GALNT11: variants seen among roughly 807,000 people sequenced by gnomAD.
GALNT11 encodes polypeptide N-acetylgalactosaminyltransferase 11, also known as UDP-GalNAc:polypeptide N-acetylgalactosaminyltransferase 11.
In GALNT11, 47 loss-of-function variants were observed where a neutral mutation model predicts 72.7. The ratio of observed to expected loss-of-function variants is 0.65; its 90% CI spans 0.51 to 0.82. The LOEUF is 0.82. Ranked by LOEUF, GALNT11 falls within the 40% of genes least tolerant of loss-of-function variation. The pLI, the probability that GALNT11 is intolerant of heterozygous loss-of-function variation, is 0.00. For synonymous variants in GALNT11, 270 were observed against 286.6 expected (o/e 0.94, Z 0.58); for missense variants, 677 against 778.4 (o/e 0.87, Z 1.55).
At chr7:152,058,287 C>G (rs1444113125) in intron 1 of GALNT11, among the ~76,000 whole-genome samples, 1 of 152,062 alleles carries the variant, frequency 6.6e-6, no homozygotes, top group African/African-American at 2.4e-5. Flanking sequence ...AACATTGATG[C>G]CTGCTGATGC....
chr7:152,109,789 T>C (rs1426511400), intron 6 of GALNT11, among the ~76,000 whole-genome samples: 1 of 152,212 alleles, frequency 6.6e-6, no homozygotes, highest in Non-Finnish European at 1.5e-5. Context: ...TTGCTTCTCT[T>C]GTGCAGGCAG....
chr7:152,107,170 A>G (rs1280310545), intron 5 of GALNT11: 4 of 152,178 alleles, frequency 2.6e-5, no homozygotes, highest in Admixed American at 1.3e-4. Context: ...TAGAAAAACA[A>G]TAATGTGACC....
intron 2 of GALNT11, among the ~76,000 whole-genome samples, chr7:152,096,250 G>A (rs1296399571): frequency 6.6e-6 from 1 of 152,152 alleles, no homozygotes; most frequent in Non-Finnish European, 1.5e-5. Context: ...AGTGGTCTTT[G>A]TTGTAAAGAG....
intron 7 of GALNT11, among the ~76,000 whole-genome samples, chr7:152,112,410 G>A (rs1049388055): frequency 2.0e-5 from 3 of 151,934 alleles, no homozygotes; most frequent in East Asian, 1.9e-4. Flanking sequence ...GCGTGGTGGC[G>A]GGTGCCTGTA....
chr7:152,036,287 G>T (rs1306694986), intron 1 of GALNT11, among the ~76,000 whole-genome samples: 1 of 152,142 alleles, frequency 6.6e-6, no homozygotes, highest in South Asian at 2.1e-4. Context: ...CTCTCTCCGT[G>T]AGTTCAATTG....
rs986125092 is a variant in GALNT11 at position 152,117,259 on chromosome 7, T to C, written c.1336T>C (p.Trp446Arg). ...RKKLGCKSFKWYLDNVYPEMQ... is the reference protein window; with the variant it reads ...RKKLGCKSFKRYLDNVYPEMQ... The stretch of plus-strand genomic sequence containing the variant: ...GAAGTTGGGCTGTAAATCATTTAAA[T>C]GGTATTTGGATAATGTATACCCAGA... Residue 446 changes from tryptophan to arginine, a missense_variant, in exon 9 of 12, where the codon TGG becomes CGG. By Grantham distance (101) the Trp-to-Arg change is moderately radical. Coordinates refer to ENST00000430044, the MANE Select transcript of GALNT11 (RefSeq NM_022087.4). The C allele has an allele frequency of 1.2e-6, 2 of 1,614,088 alleles. No homozygotes were observed. Among genetic ancestry groups the C allele is most frequent in the African/African-American group, 1.3e-5 (1 of 74,918 alleles).
At chr7:152,077,405 G>A (rs1250893244) in intron 1 of GALNT11, among the ~76,000 whole-genome samples, 1 of 152,198 alleles carries the variant, frequency 6.6e-6, no homozygotes, top group Non-Finnish European at 1.5e-5. Context: ...AGGCTGAGCA[G>A]TGTAGTTAAC....
intron 1 of GALNT11, among the ~76,000 whole-genome samples, chr7:152,042,342 G>T (rs1488736314): frequency 1.3e-5 from 2 of 152,202 alleles, no homozygotes; most frequent in Non-Finnish European, 2.9e-5. Flanking sequence ...TCTTAAGTCA[G>T]TTAACATTTT....
intron 1 of GALNT11, among the ~76,000 whole-genome samples, chr7:152,053,193 A>T (rs2083481821): frequency 6.6e-6 from 1 of 152,148 alleles, no homozygotes; most frequent in African/African-American, 2.4e-5. Context: ...TAAAGACAAT[A>T]CCCTTTTTGC....
intron 1 of GALNT11, among the ~76,000 whole-genome samples, chr7:152,066,366 C>G (rs1300718689): frequency 6.6e-6 from 1 of 152,180 alleles, no homozygotes; most frequent in Non-Finnish European, 1.5e-5. Flanking sequence ...AAAGGGAATT[C>G]CCTGACCCCT....
chr7:152,118,640 A>G (rs895012781), intron 9 of GALNT11, 38 bp from the exon 10 acceptor site: 1 of 1,584,492 alleles, frequency 6.3e-7, no homozygotes, highest in African/African-American at 1.4e-5. Context: ...CGTCTCTGGG[A>G]TTGTTTCCCA....
intron 1 of GALNT11, among the ~76,000 whole-genome samples, chr7:152,090,980 G>A (rs772838297): frequency 4.6e-5 from 7 of 152,124 alleles, no homozygotes; most frequent in Non-Finnish European, 8.8e-5. Flanking sequence ...CCTGTCATGA[G>A]ACTGAAGACA....
At chr7:152,060,936 G>A (rs543680720) in intron 1 of GALNT11, among the ~76,000 whole-genome samples, 160 of 152,252 alleles carry the variant, frequency 1.1e-3, no homozygotes, top group African/African-American at 3.2e-3. Context: ...ATAAACATAC[G>A]TGTGCATGTG....
intron 10 of GALNT11, chr7:152,119,949 TGACGCAG>T (rs1563085939): frequency 1.3e-5 from 2 of 152,240 alleles, no homozygotes; most frequent in African/African-American, 4.8e-5. Flanking sequence ...AAAATCGCGG[TGACGCAG>T]TTTCAGTGGT....
intron 3 of GALNT11, among the ~76,000 whole-genome samples, chr7:152,101,674 C>G (rs1231655877): frequency 3.3e-5 from 5 of 149,476 alleles, no homozygotes; most frequent in Non-Finnish European, 7.4e-5. Context: ...TTCTCTGTTG[C>G]CCAGGCTGGA....
chr7:152,121,009 C>T, intron 11 of GALNT11, 41 bp downstream of exon 11: 1 of 1,594,968 alleles, frequency 6.3e-7, no homozygotes, highest in South Asian at 1.1e-5. Flanking sequence ...GCGCAGAGGC[C>T]CACAAGGTTG....
intron 1 of GALNT11, among the ~76,000 whole-genome samples, chr7:152,033,920 T>C (rs535253124): frequency 6.6e-6 from 1 of 152,206 alleles, no homozygotes; most frequent in Non-Finnish European, 1.5e-5. Context: ...AAGGCCTGGG[T>C]TTGATCTAAC....
At chr7:152,070,133 A>C (rs1339601972) in intron 1 of GALNT11, among the ~76,000 whole-genome samples, 2 of 151,386 alleles carry the variant, frequency 1.3e-5, no homozygotes, top group Non-Finnish European at 2.9e-5. Context: ...AGTAGCTGGG[A>C]CTATAGGTGC....
chr7:152,121,500 T>C, intron 11 of GALNT11, 46 bp from the exon 12 acceptor site: 1 of 1,584,986 alleles, frequency 6.3e-7, no homozygotes, highest in Admixed American at 1.7e-5. Context: ...ATTTCCATGT[T>C]TTGCCAGTAA....
Sources: allele counts gnomAD v4.1 joint callset (sites outside exome capture counted in the v4.1 genomes callset), GRCh38; gene constraint gnomAD v4.1.1; transcripts MANE v1.5; gene names NCBI Gene and HGNC (gene_info 2026-07-23, HGNC 2026-07-21).